CDYL: variants seen among roughly 807,000 people sequenced by gnomAD.
The protein encoded by CDYL is chromodomain Y like, also known as chromodomain Y-like protein.
In CDYL, 8 loss-of-function variants were observed where a neutral mutation model predicts 47.3. The ratio of observed to expected loss-of-function variants is 0.17; its 90% CI spans 0.10 to 0.31. The LOEUF is 0.31. CDYL is among the 10% of genes least tolerant of loss of function. The probability of loss-of-function intolerance (pLI) is 1.00; values close to 1 mark genes in which losing one functional copy is unlikely to be tolerated. For missense variants in CDYL, 471 were observed against 701.4 expected, an observed-to-expected ratio of 0.67 and a Z score of 3.71; for synonymous variants, 266 against 265.0, an observed-to-expected ratio of 1.00 and a Z score of -0.04.
chr6:4,754,982 C>A (rs1009045260), intron 3 of CDYL, among the ~76,000 whole-genome samples: 2 of 151,798 alleles, frequency 1.3e-5, no homozygotes, highest in African/African-American at 4.8e-5. Context: ...AATATTGCAT[C>A]CTCTTTCTTT....
At chr6:4,914,158 T>C (rs984877761) in intron 2 of CDYL, among the ~76,000 whole-genome samples, 9 of 151,336 alleles carry the variant, frequency 5.9e-5, no homozygotes, top group Middle Eastern at 6.9e-3. Context: ...CCTGTGGGGG[T>C]GAAGTGTTTC....
At chr6:4,781,775 A>G (rs180788104) in intron 1 of CDYL, among the ~76,000 whole-genome samples, 1 of 152,170 alleles carries the variant, frequency 6.6e-6, no homozygotes, top group Admixed American at 6.5e-5. Context: ...GTTCTGGTTC[A>G]CAGTTTTGGA....
intron 1 of CDYL, among the ~76,000 whole-genome samples, chr6:4,886,711 T>A (rs927605378): frequency 6.6e-6 from 1 of 152,248 alleles, no homozygotes; most frequent in Non-Finnish European, 1.5e-5. Flanking sequence ...TTAATTTTGA[T>A]ATCTAGTTTA....
intron 3 of CDYL, among the ~76,000 whole-genome samples, chr6:4,746,610 T>A (rs1434422221): frequency 2.0e-5 from 3 of 152,222 alleles, no homozygotes; most frequent in Non-Finnish European, 2.9e-5. Flanking sequence ...TCAGGCCCAA[T>A]GTCCAGGTAC....
At chr6:4,865,108 A>C in intron 1 of CDYL, among the ~76,000 whole-genome samples, 1 of 152,156 alleles carries the variant, frequency 6.6e-6, no homozygotes. Flanking sequence ...TCAGTAGTTC[A>C]CATCTGTTCC....
chr6:4,853,685 A>G (rs1032350115), intron 1 of CDYL, among the ~76,000 whole-genome samples: 6 of 152,234 alleles, frequency 3.9e-5, no homozygotes, highest in African/African-American at 1.4e-4. Flanking sequence ...TGTCAGGAAT[A>G]TCTTTTAAAA....
At chr6:4,788,906 C>G (rs1056422372) in intron 1 of CDYL, among the ~76,000 whole-genome samples, 7 of 151,996 alleles carry the variant, frequency 4.6e-5, no homozygotes, top group Admixed American at 2.6e-4. Flanking sequence ...TCCATTGTGC[C>G]AGGTGGACCA....
chr6:4,758,370 A>ATC (rs1554134113), intron 3 of CDYL, among the ~76,000 whole-genome samples: 51 of 137,812 alleles, frequency 3.7e-4, no homozygotes, highest in South Asian at 1.2e-3. Flanking sequence ...ATATATATAT[A>ATC]TCTCTTTGTG....
At chr6:4,897,387 A>G (rs555118869) in intron 2 of CDYL, among the ~76,000 whole-genome samples, 8 of 152,366 alleles carry the variant, frequency 5.3e-5, no homozygotes, top group African/African-American at 1.9e-4. Context: ...TGAGCATTTC[A>G]ACCAAAGGAA....
intron 1 of CDYL, among the ~76,000 whole-genome samples, chr6:4,712,877 G>A (rs1334323732): frequency 6.6e-6 from 1 of 152,184 alleles, no homozygotes; most frequent in African/African-American, 2.4e-5. Flanking sequence ...TGTGAGCCTG[G>A]GCACTGTGGA....
chr6:4,938,377 A>G (rs1375189653), intron 4 of CDYL, among the ~76,000 whole-genome samples: 2 of 152,120 alleles, frequency 1.3e-5, no homozygotes, highest in African/African-American at 4.8e-5. Flanking sequence ...GGTATCCAAC[A>G]TTCATTGGTG....
At position 4,797,141 on chromosome 6, in the gene CDYL, T is replaced by C. The variant is rs114081310; in HGVS notation, c.24+20334T>C. ...CATGTATCTAGAATTTTTAATTCTT[T>C]TCAGTGTACCAAAAATGAAATATGT... On this transcript the variant is annotated intron_variant, in intron 1 of 6. Coordinates refer to ENST00000397588, the MANE Select transcript of CDYL (RefSeq NM_004824.4). 6.4e-3 allele frequency among the ~76,000 whole-genome samples: 975 copies of C among 152,244 alleles called. 15 individuals are homozygous for C. The highest frequency in any genetic ancestry group is 0.022 in the African/African-American group (930 of 41,574).
intron 2 of CDYL, among the ~76,000 whole-genome samples, chr6:4,913,300 C>T (rs1185615080): frequency 1.3e-5 from 2 of 152,114 alleles, no homozygotes; most frequent in Non-Finnish European, 2.9e-5. Flanking sequence ...GTTTTAAGTG[C>T]CATCTTTTAA....
At chr6:4,922,415 T>C (rs1172575835) in intron 2 of CDYL, among the ~76,000 whole-genome samples, 1 of 152,236 alleles carries the variant, frequency 6.6e-6, no homozygotes, top group Non-Finnish European at 1.5e-5. Flanking sequence ...TTAATTAATA[T>C]GTGAACATTT....
At chr6:4,900,007 C>T (rs1416800167) in intron 2 of CDYL, among the ~76,000 whole-genome samples, 1 of 152,166 alleles carries the variant, frequency 6.6e-6, no homozygotes, top group African/African-American at 2.4e-5. Flanking sequence ...TGTTAACACA[C>T]ATCCTGTTGT....
At chr6:4,848,040 T>A (rs1760712683) in intron 1 of CDYL, among the ~76,000 whole-genome samples, 1 of 152,184 alleles carries the variant, frequency 6.6e-6, no homozygotes. Context: ...TAGTGACCAG[T>A]GTTGAAATGG....
chr6:4,953,782 C>T lies in CDYL; in HGVS notation c.1477-116C>T, dbSNP rs943950900. 8.3e-6 allele frequency: 8 copies of T among 963,606 alleles called. No individual in the cohort carries two copies. In the South Asian group the frequency reaches 8.8e-5, roughly 11 times the overall value. The allele number at this position is 963,606 out of a possible 1,614,324, so 59.7% of individuals were successfully genotyped here. A position where few individuals can be genotyped will look rare whatever the true frequency, so the allele number is the denominator to read the frequency against. ...CATATTGTGAGAAAATGTCTGGTAA[C>T]CTTTTTAACAGGTGATTGCTGGAAT... On this transcript the variant is annotated intron_variant, in intron 6 of 6. Coordinates refer to ENST00000397588, the MANE Select transcript of CDYL (RefSeq NM_004824.4).
chr6:4,789,807 C>G (rs1365407208), intron 1 of CDYL, among the ~76,000 whole-genome samples: 1 of 152,230 alleles, frequency 6.6e-6, no homozygotes, highest in African/African-American at 2.4e-5. Flanking sequence ...CCCCGCAGCA[C>G]TCCATGGAGT....
intron 1 of CDYL, among the ~76,000 whole-genome samples, chr6:4,861,560 T>C (rs548178392): frequency 2.6e-5 from 4 of 152,346 alleles, no homozygotes; most frequent in East Asian, 3.9e-4. Flanking sequence ...AATGGAAACC[T>C]GAATCCTAAG....
Sources: allele counts gnomAD v4.1 joint callset (sites outside exome capture counted in the v4.1 genomes callset), GRCh38; gene constraint gnomAD v4.1.1; transcripts MANE v1.5; gene names NCBI Gene and HGNC (gene_info 2026-07-23, HGNC 2026-07-21).